The following BIN3 variants were observed in gnomAD, a reference collection of about 807,000 sequenced individuals.
BIN3 encodes the protein bridging integrator 3.
BIN3 carries 41 observed loss-of-function variants against 38.2 expected under a neutral mutation model. The ratio of observed to expected loss-of-function variants is 1.07; its 90% CI spans 0.84 to 1.39. The LOEUF is 1.39. BIN3 is among the 40% of genes most tolerant of loss of function. The pLI is 0.00. For missense variants in BIN3, 361 were observed against 324.3 expected (o/e 1.11, Z -0.87); for synonymous variants, 145 against 122.6 (o/e 1.18, Z -1.21).
At chr8:22,626,820 C>T (rs558465145) in intron 6 of BIN3, among the ~76,000 whole-genome samples, 17 of 152,316 alleles carry the variant, frequency 1.1e-4, no homozygotes, top group Admixed American at 1.1e-3. Context: ...CCCCCAACAT[C>T]CCCTGAGGCA....
At chr8:22,663,661 T>G (rs1204869491) in intron 1 of BIN3, among the ~76,000 whole-genome samples, 1 of 152,174 alleles carries the variant, frequency 6.6e-6, no homozygotes, top group Admixed American at 6.5e-5. Flanking sequence ...AACGTGGCCC[T>G]GAGGTGGAGT....
chr8:22,635,196 G>A (rs1029672614), intron 4 of BIN3, among the ~76,000 whole-genome samples: 16 of 152,074 alleles, frequency 1.1e-4, no homozygotes, highest in African/African-American at 3.4e-4. Flanking sequence ...ACGTCCCCAC[G>A]AAGGCCTCCC....
At chr8:22,626,945 C>T (rs781697722) in intron 6 of BIN3, among the ~76,000 whole-genome samples, 1 of 152,134 alleles carries the variant, frequency 6.6e-6, no homozygotes, top group African/African-American at 2.4e-5. Context: ...TGAGGGAGGC[C>T]GGGTTACAGA....
At chr8:22,656,775 C>T (rs1024987103) in intron 1 of BIN3, among the ~76,000 whole-genome samples, 1 of 152,232 alleles carries the variant, frequency 6.6e-6, no homozygotes, top group Non-Finnish European at 1.5e-5. Context: ...CAATGCCTTT[C>T]ACCATGCATT....
chr8:22,668,592 G>C (rs187746096), intron 1 of BIN3, among the ~76,000 whole-genome samples: 1 of 152,218 alleles, frequency 6.6e-6, no homozygotes, highest in Non-Finnish European at 1.5e-5. Flanking sequence ...GTGCAAAGAG[G>C]ATAGTTACCC....
chr8:22,646,344 T>G (rs140539000), intron 1 of BIN3, among the ~76,000 whole-genome samples: 276 of 152,140 alleles, frequency 1.8e-3, no homozygotes, highest in African/African-American at 6.5e-3. Context: ...CATTCAAACC[T>G]CCCGTTTCCA....
intron 1 of BIN3, among the ~76,000 whole-genome samples, chr8:22,656,239 TC>T (rs1563980387): frequency 2.0e-5 from 3 of 150,420 alleles, no homozygotes; most frequent in South Asian, 2.1e-4. Context: ...TTTTTTTTTT[TC>T]ATATCCATCT....
intron 8 of BIN3, 85 bp from the exon 9 acceptor site, chr8:22,621,653 C>T: frequency 3.6e-6 from 5 of 1,380,896 alleles, no homozygotes; most frequent in Middle Eastern, 2.2e-4. Flanking sequence ...TTCTCTGCTA[C>T]CCCCTGCCCT....
chr8:22,668,347 G>A (rs1196784824), intron 1 of BIN3, among the ~76,000 whole-genome samples: 1 of 152,192 alleles, frequency 6.6e-6, no homozygotes, highest in Non-Finnish European at 1.5e-5. Context: ...TCATACTGCA[G>A]CAACTGGAAT....
chr8:22,635,188 G>A (rs1334272439), intron 4 of BIN3, among the ~76,000 whole-genome samples: 4 of 152,068 alleles, frequency 2.6e-5, no homozygotes, highest in Non-Finnish European at 5.9e-5. Context: ...CAGGGATCAC[G>A]TCCCCACGAA....
In BIN3 at chr8:22,623,662, G is replaced by A. The variant is rs1442840326; in HGVS notation, c.615+253C>T. Among the ~76,000 whole-genome samples the A allele has an allele frequency of 4.6e-5, 7 of 152,324 alleles. No individual in the cohort carries two copies. In the East Asian group the frequency reaches 1.4e-3, roughly 29 times the overall value. ...AGAGAGATCCATGGCGGAACTGCTG[G>A]ACCAAAAGGGAACCTCGGCCATTCC... On this transcript the variant is annotated intron_variant, in intron 8 of 8. Coordinates refer to ENST00000276416, the MANE Select transcript of BIN3 (RefSeq NM_018688.6).
chr8:22,658,481 T>C (rs767787395), intron 1 of BIN3, among the ~76,000 whole-genome samples: 1 of 152,264 alleles, frequency 6.6e-6, no homozygotes, highest in Non-Finnish European at 1.5e-5. Context: ...TTGTGTAATG[T>C]CTATTTACAA....
intron 5 of BIN3, 21 bp from the exon 6 acceptor site, chr8:22,630,025 G>A (rs1395245590): frequency 6.2e-7 from 1 of 1,604,510 alleles, no homozygotes; most frequent in Non-Finnish European, 8.5e-7. Flanking sequence ...AAAACCCAAA[G>A]ACATTAAAAC....
At chr8:22,656,263 T>C (rs542746733) in intron 1 of BIN3, among the ~76,000 whole-genome samples, 1 of 151,110 alleles carries the variant, frequency 6.6e-6, no homozygotes, top group African/African-American at 2.4e-5. Context: ...TCTACATTTA[T>C]TTCGTTAAAT....
At chr8:22,668,897 CGA>C in intron 1 of BIN3, 145 bp downstream of exon 1, 2 of 996,454 alleles carry the variant, frequency 2.0e-6, no homozygotes, top group Non-Finnish European at 2.9e-6. Context: ...ACCGAGGGAA[CGA>C]CCCTAGGGCA....
intron 6 of BIN3, chr8:22,625,851 G>T (rs150914703): frequency 1.2e-5 from 2 of 162,712 alleles, no homozygotes; most frequent in African/African-American, 4.7e-5. Context: ...GCCTCCCAAA[G>T]TGCTGGGATT....
At chr8:22,637,800 C>T (rs919697687) in intron 2 of BIN3, among the ~76,000 whole-genome samples, 1 of 152,112 alleles carries the variant, frequency 6.6e-6, no homozygotes, top group Non-Finnish European at 1.5e-5. Context: ...GAGCTGCAGC[C>T]GTCAGGTGCC....
rs373794096 is a variant in BIN3 at position 22,633,827 on chromosome 8, C to T, written c.160+2698G>A. ...AAGCCCGCCTACAACACTGATGCCC[C>T]GTACATGAGACTGATGTGGCTGTCA... On this transcript the variant is annotated intron_variant, in intron 4 of 8. Coordinates refer to ENST00000276416, the MANE Select transcript of BIN3 (RefSeq NM_018688.6). Among the ~76,000 whole-genome samples, 9 of 152,300 alleles carry T rather than the reference C, an allele frequency of 5.9e-5. No homozygotes were observed. In the South Asian group the frequency reaches 6.2e-4, roughly 11 times the overall value.
chr8:22,628,273 G>A (rs1211949045), intron 6 of BIN3, among the ~76,000 whole-genome samples: 9 of 152,166 alleles, frequency 5.9e-5, no homozygotes, highest in South Asian at 2.1e-4. Flanking sequence ...GGCTGGGGGC[G>A]GTGGGGTGGC....
Sources: gnomAD v4.1 joint callset for allele counts (sites outside exome capture counted in the v4.1 genomes callset) on GRCh38, gnomAD v4.1.1 for gene constraint, MANE v1.5 for transcripts, NCBI Gene and HGNC (gene_info 2026-07-23, HGNC 2026-07-21) for gene names.